Variants in SMYD3 observed in about 807,000 individuals in gnomAD.
The protein encoded by SMYD3 is histone-lysine N-methyltransferase SMYD3.
Under a neutral mutation model 57.7 loss-of-function variants are expected in SMYD3, and 36 were observed. That is an observed-to-expected ratio of 0.62 (90% CI 0.48 to 0.82). The LOEUF (loss-of-function observed/expected upper bound fraction) is 0.82, where lower values mean the gene tolerates loss of function less well. SMYD3 is among the 40% of genes least tolerant of loss of function. The pLI is 0.00. For missense variants in SMYD3, 515 were observed against 538.8 expected (o/e 0.96, Z 0.44); for synonymous variants, 211 against 195.0 (o/e 1.08, Z -0.68).
chr1:246,164,630 G>A (rs1294470874), intron 5 of SMYD3, among the ~76,000 whole-genome samples: 1 of 152,130 alleles, frequency 6.6e-6, no homozygotes, highest in Admixed American at 6.5e-5. Flanking sequence ...AAACTTCCTG[G>A]TGCCAGGATC....
intron 5 of SMYD3, among the ~76,000 whole-genome samples, chr1:246,306,684 A>T (rs986918613): frequency 5.9e-5 from 9 of 152,224 alleles, no homozygotes; most frequent in African/African-American, 2.2e-4. Flanking sequence ...AAAACTCTGC[A>T]CTACAAAGAA....
intron 6 of SMYD3, 69 bp from the exon 7 acceptor site, chr1:245,928,102 G>T: frequency 7.7e-7 from 1 of 1,293,500 alleles, no homozygotes; most frequent in Non-Finnish European, 1.1e-6. Context: ...AACAAATGCA[G>T]TGGGTAAAAT....
intron 5 of SMYD3, among the ~76,000 whole-genome samples, chr1:245,951,997 T>A (rs139916787): frequency 1.3e-5 from 2 of 152,264 alleles, no homozygotes; most frequent in Admixed American, 1.3e-4. Context: ...TTTGCATATG[T>A]GAGGTTTCCA....
chr1:246,506,027 T>C (rs574878480), intron 1 of SMYD3, among the ~76,000 whole-genome samples: 25 of 152,340 alleles, frequency 1.6e-4, no homozygotes, highest in African/African-American at 5.5e-4. Flanking sequence ...TATTCCTGAA[T>C]TATGAATCAA....
chr1:246,113,871 C>T (rs936794502), intron 5 of SMYD3: 1 of 152,152 alleles, frequency 6.6e-6, no homozygotes, highest in African/African-American at 2.4e-5. Flanking sequence ...AAATGACCAC[C>T]TCACTCTACT....
chr1:246,346,101 G>A (rs1314442513), intron 2 of SMYD3, among the ~76,000 whole-genome samples: 5 of 152,058 alleles, frequency 3.3e-5, no homozygotes, highest in East Asian at 1.9e-4. Flanking sequence ...TGGCTAACAC[G>A]GTAACACCCC....
At chr1:246,218,637 A>T (rs1292183062) in intron 5 of SMYD3, among the ~76,000 whole-genome samples, 1 of 151,510 alleles carries the variant, frequency 6.6e-6, no homozygotes, top group East Asian at 1.9e-4. Context: ...AAAAAAAAGT[A>T]GTGGCAACAC....
chr1:246,480,638 T>C (rs1432415925), intron 1 of SMYD3, among the ~76,000 whole-genome samples: 1 of 152,154 alleles, frequency 6.6e-6, no homozygotes, highest in Non-Finnish European at 1.5e-5. Flanking sequence ...TTACAAAATG[T>C]CACTGTACAG....
intron 10 of SMYD3, among the ~76,000 whole-genome samples, chr1:245,855,415 C>A (rs777921870): frequency 2.0e-5 from 3 of 152,070 alleles, no homozygotes; most frequent in Non-Finnish European, 4.4e-5. Context: ...AATCTGTAAC[C>A]ATCTTTAATA....
intron 7 of SMYD3, among the ~76,000 whole-genome samples, chr1:245,915,948 G>A (rs2055381776): frequency 6.6e-6 from 1 of 152,038 alleles, no homozygotes; most frequent in South Asian, 2.1e-4. Flanking sequence ...AAAAACTGTT[G>A]TATGTTTACT....
chr1:246,074,602 A>G (rs1192996253), intron 5 of SMYD3, among the ~76,000 whole-genome samples: 1 of 152,260 alleles, frequency 6.6e-6, no homozygotes, highest in East Asian at 1.9e-4. Flanking sequence ...TTTCTTGTTT[A>G]TAAAGCTTTT....
chr1:246,215,992 T>A (rs1007467643), intron 5 of SMYD3, among the ~76,000 whole-genome samples: 1 of 151,954 alleles, frequency 6.6e-6, no homozygotes, highest in Non-Finnish European at 1.5e-5. Context: ...TGGACTAATG[T>A]GAAAAACAAA....
intron 5 of SMYD3, among the ~76,000 whole-genome samples, chr1:246,014,110 G>A (rs1300366280): frequency 2.6e-5 from 4 of 152,184 alleles, no homozygotes; most frequent in Non-Finnish European, 5.9e-5. Flanking sequence ...GGATCATGAG[G>A]TCGGGTGTTC....
chr1:246,329,285 G>T (rs1404203829), intron 4 of SMYD3, among the ~76,000 whole-genome samples: 1 of 152,176 alleles, frequency 6.6e-6, no homozygotes, highest in African/African-American at 2.4e-5. Context: ...CACAATGGGT[G>T]AACTAGTTTA....
chr1:246,052,231 CA>C (rs1370599854), intron 5 of SMYD3, among the ~76,000 whole-genome samples: 5 of 152,156 alleles, frequency 3.3e-5, no homozygotes, highest in Admixed American at 2.6e-4. Context: ...CAACTTTTAA[CA>C]AGTGACATCC....
intron 8 of SMYD3, among the ~76,000 whole-genome samples, chr1:245,901,898 A>T (rs545840318): frequency 6.6e-6 from 1 of 152,244 alleles, no homozygotes; most frequent in Non-Finnish European, 1.5e-5. Flanking sequence ...GCCACAGGAG[A>T]GCTGCTCAGC....
At chr1:246,103,937 T>C (rs1027543893) in intron 5 of SMYD3, among the ~76,000 whole-genome samples, 5 of 152,182 alleles carry the variant, frequency 3.3e-5, no homozygotes, top group African/African-American at 1.2e-4. Flanking sequence ...TACTCATCCT[T>C]GAAGAAAACC....
intron 1 of SMYD3, chr1:246,417,187 T>A (rs1471831333): frequency 1.3e-5 from 2 of 152,034 alleles, no homozygotes; most frequent in African/African-American, 4.8e-5. Context: ...AAAATCACTA[T>A]CCCCCAAAAT....
chr1:245,854,188 C>T lies in SMYD3; in HGVS notation c.1076+4308G>A, dbSNP rs75990922. On this transcript the variant is annotated intron_variant, in intron 10 of 11. Transcript: ENST00000490107. ...TGAAATGGCTTTAGATCAGAAACAACGGAAGTCAACGTCATCTCTTCTCAT... is the reference window on the plus strand; with the variant it reads ...TGAAATGGCTTTAGATCAGAAACAATGGAAGTCAACGTCATCTCTTCTCAT... Among the ~76,000 whole-genome samples, 506 of 152,252 alleles carry T rather than the reference C, an allele frequency of 3.3e-3. 2 individuals carry two copies. The highest frequency in any genetic ancestry group is 0.011 in the African/African-American group (455 of 41,554).
Sources: allele counts gnomAD v4.1 joint callset (sites outside exome capture counted in the v4.1 genomes callset), GRCh38; gene constraint gnomAD v4.1.1; transcripts MANE v1.5; gene names NCBI Gene and HGNC (gene_info 2026-07-23, HGNC 2026-07-21).